The following GALK2 variants were observed in gnomAD, a reference collection of about 807,000 sequenced individuals.
GALK2 encodes galactokinase 2.
In GALK2, 36 loss-of-function variants were observed where a neutral mutation model predicts 52.4. That is an observed-to-expected ratio of 0.69 (90% confidence interval 0.53 to 0.91). The LOEUF (loss-of-function observed/expected upper bound fraction) is 0.91. GALK2 is among the 40% of genes least tolerant of loss of function. The pLI, the probability that GALK2 is intolerant of heterozygous loss-of-function variation, is 0.00. For synonymous variants in GALK2, 176 were observed against 199.1 expected (o/e 0.88, Z 0.98); for missense variants, 579 against 559.1 (o/e 1.04, Z -0.36).
chr15:49,156,400 G>T, intron 1 of GALK2: 1 of 428,488 alleles, frequency 2.3e-6, no homozygotes. Flanking sequence ...GCAACATGAA[G>T]CCCTCTCTCG....
chr15:49,275,933 G>A (rs1052500648), intron 5 of GALK2, among the ~76,000 whole-genome samples: 20 of 152,102 alleles, frequency 1.3e-4, no homozygotes, highest in African/African-American at 4.8e-4. Context: ...TCCTACCCAG[G>A]CTGCTTCAAG....
chr15:49,255,969 G>C (rs888071904), intron 5 of GALK2, among the ~76,000 whole-genome samples: 2 of 151,976 alleles, frequency 1.3e-5, no homozygotes, highest in Admixed American at 6.6e-5. Flanking sequence ...ACTAAGCTTG[G>C]AATAAACTGT....
chr15:49,211,704 C>T (rs539719636), intron 2 of GALK2, among the ~76,000 whole-genome samples: 27 of 152,124 alleles, frequency 1.8e-4, no homozygotes, highest in Admixed American at 3.9e-4. Flanking sequence ...GAAGGAGGCA[C>T]GCCGTACATG....
chr15:49,233,418 C>A (rs1300221426), intron 3 of GALK2, among the ~76,000 whole-genome samples: 1 of 152,218 alleles, frequency 6.6e-6, no homozygotes, highest in African/African-American at 2.4e-5. Context: ...GAGATTTGGG[C>A]AGGGATGCAA....
chr15:49,257,594 A>G (rs895950481), intron 5 of GALK2, among the ~76,000 whole-genome samples: 1 of 152,188 alleles, frequency 6.6e-6, no homozygotes, highest in Non-Finnish European at 1.5e-5. Context: ...GAAATTTAAG[A>G]TCAATTAAAT....
intron 1 of GALK2, among the ~76,000 whole-genome samples, chr15:49,198,676 G>A (rs2087452213): frequency 6.6e-6 from 1 of 151,754 alleles, no homozygotes; most frequent in Non-Finnish European, 1.5e-5. Context: ...TAATCAATGA[G>A]CTTATTCTAC....
intron 3 of GALK2, among the ~76,000 whole-genome samples, chr15:49,356,348 G>T (rs1476344736): frequency 6.7e-6 from 1 of 150,298 alleles, no homozygotes; most frequent in Non-Finnish European, 1.5e-5. Flanking sequence ...CATCTCATGT[G>T]CAGAGACACA....
At chr15:49,170,479 G>A (rs2084997813) in intron 1 of GALK2, 104 bp downstream of exon 1, 2 of 1,193,258 alleles carry the variant, frequency 1.7e-6, no homozygotes, top group Non-Finnish European at 2.4e-6. Context: ...TTTTGGTCCC[G>A]GGGAGCAAGT....
chr15:49,231,095 A>G (rs530799232), intron 3 of GALK2, among the ~76,000 whole-genome samples: 3 of 152,184 alleles, frequency 2.0e-5, no homozygotes, highest in Non-Finnish European at 4.4e-5. Flanking sequence ...TTACACTGCT[A>G]TAAAGAAATA....
intron 1 of GALK2, among the ~76,000 whole-genome samples, chr15:49,175,891 C>T (rs1256460031): frequency 6.6e-6 from 1 of 152,088 alleles, no homozygotes; most frequent in Non-Finnish European, 1.5e-5. Flanking sequence ...CAGTCAAGTA[C>T]CCCCTGCTTG....
intron 1 of GALK2, among the ~76,000 whole-genome samples, chr15:49,175,443 A>C: frequency 6.6e-6 from 1 of 152,112 alleles, no homozygotes; most frequent in East Asian, 1.9e-4. Flanking sequence ...TCGACCTGTA[A>C]CTTTTGTTAC....
intron 2 of GALK2, 144 bp downstream of exon 2, chr15:49,201,394 G>A: frequency 1.9e-6 from 1 of 524,352 alleles, no homozygotes; most frequent in Non-Finnish European, 3.4e-6. Flanking sequence ...CTTTGCATAA[G>A]GAACACACTT....
intron 1 of GALK2, among the ~76,000 whole-genome samples, chr15:49,171,578 C>T (rs530686734): frequency 6.6e-6 from 1 of 152,130 alleles, no homozygotes; most frequent in Non-Finnish European, 1.5e-5. Context: ...AGCATGATTT[C>T]TTATTATAGA....
At chr15:49,268,443 T>G (rs189987018) in intron 5 of GALK2, among the ~76,000 whole-genome samples, 1 of 152,344 alleles carries the variant, frequency 6.6e-6, no homozygotes, top group African/African-American at 2.4e-5. Context: ...TAGATTGCTT[T>G]GCAGAGCTAA....
rs1232688000 is a variant in GALK2 at position 49,283,676 on chromosome 15, C to G, written c.714C>G (p.Ser238=). 1.5e-5 allele frequency: 24 copies of G among 1,614,058 alleles called. No individual in the cohort carries two copies. The highest frequency in any genetic ancestry group is 1.9e-5 in the Non-Finnish European group (23 of 1,179,946). The stretch of plus-strand genomic sequence containing the variant: ...TGGAGATGAATAAGGCAGCAACTTC[C>G]CATTTCAATATCAGGGTGATGGAGT... ...SCVEMNKAAT[S]HFNIRVMECR... Residue 238 remains serine, a synonymous_variant, in exon 7 of 10, where the codon TCC becomes TCG. Coordinates refer to ENST00000560031, the MANE Select transcript of GALK2 (RefSeq NM_002044.4).
chr15:49,160,087 A>T (rs1360460159), intron 1 of GALK2, among the ~76,000 whole-genome samples: 1 of 152,094 alleles, frequency 6.6e-6, no homozygotes, highest in Non-Finnish European at 1.5e-5. Flanking sequence ...CAGCCTGGCC[A>T]ACATGGAGAA....
intron 7 of GALK2, among the ~76,000 whole-genome samples, chr15:49,284,552 G>A (rs994696572): frequency 6.6e-6 from 1 of 152,146 alleles, no homozygotes; most frequent in Non-Finnish European, 1.5e-5. Context: ...GCTCCACTGT[G>A]CTTTCTTCCA....
chr15:49,293,236 A>G (rs2034120034), intron 8 of GALK2, among the ~76,000 whole-genome samples: 1 of 152,222 alleles, frequency 6.6e-6, no homozygotes, highest in Non-Finnish European at 1.5e-5. Context: ...GTTCAGTTCT[A>G]CAACTGGTTG....
At chr15:49,226,882 A>G (rs997181721) in intron 3 of GALK2, among the ~76,000 whole-genome samples, 1 of 152,210 alleles carries the variant, frequency 6.6e-6, no homozygotes, top group Non-Finnish European at 1.5e-5. Context: ...TTGTATTTAT[A>G]CAGTATCACA....
Sources: gnomAD v4.1 joint callset for allele counts (sites outside exome capture counted in the v4.1 genomes callset) on GRCh38, gnomAD v4.1.1 for gene constraint, MANE v1.5 for transcripts, NCBI Gene and HGNC (gene_info 2026-07-23, HGNC 2026-07-21) for gene names.